MERTK: variants seen among roughly 807,000 people sequenced by gnomAD.
The protein encoded by MERTK is tyrosine-protein kinase Mer.
A neutral mutation model predicts 99.3 loss-of-function variants in MERTK; 69 were observed. That is an observed-to-expected ratio of 0.70 (90% CI 0.57 to 0.85). MERTK has a LOEUF of 0.85. Ranked by LOEUF, MERTK falls within the 40% of genes least tolerant of loss-of-function variation. MERTK has a pLI of 0.00. For missense variants in MERTK, 1,125 were observed against 1,249.4 expected (o/e 0.90, Z 1.50); for synonymous variants, 426 against 467.6 (o/e 0.91, Z 1.15).
At chr2:111,909,403 T>G (rs1684199422) in intron 1 of MERTK, among the ~76,000 whole-genome samples, 1 of 152,232 alleles carries the variant, frequency 6.6e-6, no homozygotes, top group Admixed American at 6.5e-5. Flanking sequence ...AGGCCTCATT[T>G]AGGATTAAAC....
chr2:112,027,284 A>ATG (rs1275606882), intron 18 of MERTK, among the ~76,000 whole-genome samples: 1 of 150,326 alleles, frequency 6.7e-6, no homozygotes, highest in Non-Finnish European at 1.5e-5. Context: ...TATGCCATAT[A>ATG]TGTGTGTGTA....
intron 1 of MERTK, 94 bp downstream of exon 1, chr2:111,898,890 C>A: frequency 1.5e-6 from 2 of 1,330,834 alleles, no homozygotes; most frequent in South Asian, 2.8e-5. Context: ...CAGGGGCGCG[C>A]CTGGCTGCTG....
chr2:111,913,384 C>T (rs1684287659), intron 1 of MERTK, among the ~76,000 whole-genome samples: 1 of 152,094 alleles, frequency 6.6e-6, no homozygotes, highest in African/African-American at 2.4e-5. Flanking sequence ...AGTATTTCAC[C>T]ATTTGGAGTG....
intron 4 of MERTK, among the ~76,000 whole-genome samples, chr2:111,958,063 G>GT (rs1301696638): frequency 1.3e-5 from 2 of 152,172 alleles, no homozygotes; most frequent in Admixed American, 1.3e-4. Flanking sequence ...CAAGAGGGGC[G>GT]TGAACCATCA....
intron 4 of MERTK, 68 bp from the exon 5 acceptor site, chr2:111,965,123 C>A: frequency 7.2e-7 from 1 of 1,381,716 alleles, no homozygotes; most frequent in Non-Finnish European, 1.0e-6. Context: ...ACAAAGACAA[C>A]CATAGAATTG....
chr2:111,898,993 C>T lies in MERTK; in HGVS notation c.61+197C>T, dbSNP rs558354724. On this transcript the variant is annotated intron_variant, in intron 1 of 18. Coordinates refer to ENST00000295408, the MANE Select transcript of MERTK (RefSeq NM_006343.3). ...CACTGACCGCGGCGCCTCAAGCGTC[C>T]CGAGGGCACCCAGCCTGGCTTGCGG... Among the ~76,000 whole-genome samples, 18 of 152,328 alleles carry T rather than the reference C, an allele frequency of 1.2e-4. No homozygotes were observed. The South Asian group carries it at 1.7e-3, about 14-fold the overall frequency.
chr2:112,005,632 C>A (rs1676965278), intron 13 of MERTK, among the ~76,000 whole-genome samples: 1 of 152,074 alleles, frequency 6.6e-6, no homozygotes, highest in African/African-American at 2.4e-5. Context: ...GAAAATAGGT[C>A]GTGGTCACGT....
intron 7 of MERTK, among the ~76,000 whole-genome samples, chr2:111,982,404 TC>T (rs920840524): frequency 6.6e-6 from 1 of 152,012 alleles, no homozygotes; most frequent in Non-Finnish European, 1.5e-5. Context: ...CTTCTTTTCT[TC>T]CTTGCTTGCT....
At chr2:111,909,760 G>A (rs1310194979) in intron 1 of MERTK, among the ~76,000 whole-genome samples, 1 of 152,090 alleles carries the variant, frequency 6.6e-6, no homozygotes, top group Non-Finnish European at 1.5e-5. Flanking sequence ...TACCCAGGGA[G>A]AAATAAACTC....
chr2:111,970,690 C>T (rs1676090583), intron 6 of MERTK, among the ~76,000 whole-genome samples: 1 of 144,182 alleles, frequency 6.9e-6, no homozygotes, highest in African/African-American at 2.6e-5. Flanking sequence ...CTCCTCCTCC[C>T]TCCTCCTCCT....
chr2:111,989,965 A>G (rs556731580), intron 8 of MERTK, among the ~76,000 whole-genome samples: 5 of 152,296 alleles, frequency 3.3e-5, no homozygotes, highest in Middle Eastern at 3.4e-3. Context: ...TCAATGAAAA[A>G]TATGCAGTTG....
intron 10 of MERTK, 29 bp downstream of exon 10, chr2:111,997,505 C>T (rs756834345): frequency 1.9e-6 from 3 of 1,610,070 alleles, no homozygotes; most frequent in South Asian, 1.1e-5. Flanking sequence ...AATGTTTGCC[C>T]ACTGGTATTG....
intron 2 of MERTK, among the ~76,000 whole-genome samples, chr2:111,931,454 G>A (rs916381402): frequency 3.9e-5 from 6 of 152,250 alleles, no homozygotes; most frequent in East Asian, 1.9e-4. Context: ...GTGAATGACC[G>A]AGGCAGGCGG....
Position 112,009,965 on chromosome 2 carries a change from A to G in MERTK, c.1978A>G (p.Ser660Gly), listed in dbSNP as rs1677061119. 1.2e-6 allele frequency: 2 copies of G among 1,612,510 alleles called. No individual in the cohort carries two copies. Among genetic ancestry groups the G allele is most frequent in the East Asian group, 4.5e-5 (2 of 44,876 alleles). ...IRLLGVCIEMSSQGIPKPMVI... is the reference protein window; with the variant it reads ...IRLLGVCIEMGSQGIPKPMVI... ...AATTTCAGGTGTGTGTATAGAAATG[A>G]GCTCTCAAGGCATCCCAAAGCCCAT... Residue 660 changes from serine (S) to glycine (G), a missense_variant, in exon 15 of 19, where the codon AGC becomes GGC. Physicochemically the swap from Ser to Gly is moderately conservative, Grantham distance 56 (BLOSUM62 0). Coordinates refer to ENST00000295408, the MANE Select transcript of MERTK (RefSeq NM_006343.3).
At chr2:111,901,124 TCTTTC>T (rs1684034772) in intron 1 of MERTK, among the ~76,000 whole-genome samples, 1 of 152,152 alleles carries the variant, frequency 6.6e-6, no homozygotes, top group Non-Finnish European at 1.5e-5. Context: ...GGCTTTCCAG[TCTTTC>T]CTTTCTGCTC....
chr2:111,908,616 G>A (rs1488659050), intron 1 of MERTK, among the ~76,000 whole-genome samples: 1 of 152,152 alleles, frequency 6.6e-6, no homozygotes, highest in Non-Finnish European at 1.5e-5. Flanking sequence ...ACATTTGATT[G>A]CATATAACAG....
chr2:111,937,836 C>T (rs1313870963), intron 2 of MERTK, among the ~76,000 whole-genome samples: 1 of 152,100 alleles, frequency 6.6e-6, no homozygotes, highest in Non-Finnish European at 1.5e-5. Flanking sequence ...ACCATGTGAA[C>T]GGTGGCAGGT....
chr2:111,901,559 C>CTTTTT (rs11459119), intron 1 of MERTK, among the ~76,000 whole-genome samples: 27 of 131,180 alleles, frequency 2.1e-4, no homozygotes, highest in African/African-American at 3.4e-4. Flanking sequence ...TTCTTTCTTT[C>CTTTTT]TTTTTTTTTT....
chr2:111,994,224 A>G, intron 8 of MERTK, 27 bp from the exon 9 acceptor site: 1 of 1,612,804 alleles, frequency 6.2e-7, no homozygotes, highest in South Asian at 1.1e-5. Context: ...CAGTGTTTTC[A>G]TTTCCTCTCT....
Sources: allele counts gnomAD v4.1 joint callset (sites outside exome capture counted in the v4.1 genomes callset), GRCh38; gene constraint gnomAD v4.1.1; transcripts MANE v1.5; gene names NCBI Gene and HGNC (gene_info 2026-07-23, HGNC 2026-07-21).